Variants in ILRUN observed in about 807,000 individuals in gnomAD.
ILRUN encodes the protein protein ILRUN.
Under a neutral mutation model 33.8 loss-of-function variants are expected in ILRUN, and 3 were observed. That is an observed-to-expected ratio of 0.09 (90% CI 0.04 to 0.23). ILRUN has a LOEUF of 0.23. ILRUN is among the 10% of genes least tolerant of loss of function. The pLI is 1.00. For synonymous variants in ILRUN, 124 were observed against 138.9 expected (o/e 0.89, Z 0.75); for missense variants, 210 against 375.1 (o/e 0.56, Z 3.64).
chr6:34,612,301 C>T (rs1365235601), intron 3 of ILRUN, among the ~76,000 whole-genome samples: 1 of 152,086 alleles, frequency 6.6e-6, no homozygotes, highest in Non-Finnish European at 1.5e-5. Context: ...CATGGTGGCA[C>T]ACGCTTGTAG....
chr6:34,679,803 G>T (rs1434702900), intron 1 of ILRUN, among the ~76,000 whole-genome samples: 8 of 152,190 alleles, frequency 5.3e-5, no homozygotes, highest in African/African-American at 1.9e-4. Flanking sequence ...ATAAGGGGAA[G>T]GAGATTTGGA....
intron 4 of ILRUN, among the ~76,000 whole-genome samples, chr6:34,604,050 C>CT (rs1204340804): frequency 6.6e-6 from 1 of 152,202 alleles, no homozygotes; most frequent in Non-Finnish European, 1.5e-5. Flanking sequence ...TCTTTGGCAT[C>CT]TAAGTTTCAC....
chr6:34,683,509 T>TAC (rs1562033336), intron 1 of ILRUN, among the ~76,000 whole-genome samples: 44 of 81,420 alleles, frequency 5.4e-4, no homozygotes, highest in East Asian at 5.4e-3. Context: ...CATATATATA[T>TAC]ATATACATAT....
intron 1 of ILRUN, chr6:34,696,241 G>A (rs1055362241): frequency 1.4e-4 from 75 of 527,380 alleles, no homozygotes; most frequent in Non-Finnish European, 2.7e-5. Context: ...TCCTGCCTCC[G>A]TGGTCCCTAA....
chr6:34,674,535 T>TA (rs572601648), intron 1 of ILRUN, among the ~76,000 whole-genome samples: 92 of 151,936 alleles, frequency 6.1e-4, no homozygotes, highest in African/African-American at 2.1e-3. Flanking sequence ...GATTAAAGGT[T>TA]AAAAAAAATT....
chr6:34,658,499 T>TTTTC (rs1341192968), intron 1 of ILRUN, among the ~76,000 whole-genome samples: 7 of 150,982 alleles, frequency 4.6e-5, no homozygotes, highest in Non-Finnish European at 1.0e-4. Flanking sequence ...TCTTTTTTTT[T>TTTTC]TTTTTTTTTA....
chr6:34,681,351 C>A (rs1763354190), intron 1 of ILRUN, among the ~76,000 whole-genome samples: 1 of 152,144 alleles, frequency 6.6e-6, no homozygotes, highest in South Asian at 2.1e-4. Context: ...AATAAACTGC[C>A]CCCCCTCCCA....
intron 1 of ILRUN, among the ~76,000 whole-genome samples, chr6:34,656,235 CAAAAAA>C (rs562655955): frequency 3.2e-5 from 2 of 61,814 alleles, no homozygotes; most frequent in Admixed American, 1.7e-4. Flanking sequence ...GACTCCGTCT[CAAAAAA>C]AAAAAAAAAA....
At position 34,588,403 on chromosome 6, in the gene ILRUN, C is replaced by G; in HGVS notation, c.*2162G>C. ...TGGGCAGAAGAGGAAGTCAGGAAAG[C>G]AGGGGTTGTGAAGCCTCCCACAATC... is the stretch of plus-strand genomic sequence containing the variant. On this transcript the variant is annotated 3_prime_UTR_variant, in exon 5 of 5. Transcript: ENST00000374023. 1 of 396,344 alleles carries G rather than the reference C, an allele frequency of 2.5e-6. No individual in the cohort carries two copies. The highest frequency in any genetic ancestry group is 4.4e-6 in the Non-Finnish European group (1 of 225,148). The allele number at this position is 396,344 out of a possible 1,614,324, so 24.6% of individuals were successfully genotyped here.
At chr6:34,653,016 C>T (rs1161069166) in intron 2 of ILRUN, among the ~76,000 whole-genome samples, 1 of 151,124 alleles carries the variant, frequency 6.6e-6, no homozygotes, top group African/African-American at 2.4e-5. Context: ...GGTGCGGTGG[C>T]TCACATCTGT....
Position 34,654,749 on chromosome 6 carries a change from A to T in ILRUN, c.189T>A (p.Tyr63Ter), listed in dbSNP as rs768253995. ...CACTGATGTTTGGGCTCTCAAAGTC[A>T]TAATAGGCGCCAATTGCTGCTTGTA... ...WNLQAAIGAY[Y>*]DFESPNISVP... The change falls in exon 2 of 5, where the codon TAT becomes TAA. Residue 63 changes from tyrosine to a stop codon, truncating the protein, a stop_gained. Transcript: ENST00000374023. LOFTEE classifies it high-confidence loss of function. 6.2e-7 allele frequency: 1 copy of T among 1,613,872 alleles called. No individual in the cohort carries two copies. Among genetic ancestry groups the T allele is most frequent in the Non-Finnish European group, 8.5e-7 (1 of 1,179,920 alleles).
chr6:34,658,276 G>A (rs1228559049), intron 1 of ILRUN, among the ~76,000 whole-genome samples: 1 of 151,492 alleles, frequency 6.6e-6, no homozygotes, highest in African/African-American at 2.4e-5. Flanking sequence ...CCCAGGAGGC[G>A]GAGGTTGCAA....
At chr6:34,637,171 A>T (rs1053421463) in intron 3 of ILRUN, among the ~76,000 whole-genome samples, 2 of 152,202 alleles carry the variant, frequency 1.3e-5, no homozygotes, top group African/African-American at 4.8e-5. Context: ...TTTTACTCTG[A>T]CAGGGCTATA....
At chr6:34,695,167 T>C (rs545920373) in intron 1 of ILRUN, among the ~76,000 whole-genome samples, 1 of 152,204 alleles carries the variant, frequency 6.6e-6, no homozygotes, top group South Asian at 2.1e-4. Context: ...GGATAAAAAG[T>C]AGGCTTACAG....
At chr6:34,620,009 G>C (rs1441797582) in intron 3 of ILRUN, among the ~76,000 whole-genome samples, 1 of 146,766 alleles carries the variant, frequency 6.8e-6, no homozygotes, top group African/African-American at 2.5e-5. Context: ...AAAAAGCTAA[G>C]ATGCAGATCA....
At chr6:34,649,637 G>A (rs745568910) in intron 2 of ILRUN, among the ~76,000 whole-genome samples, 8 of 152,178 alleles carry the variant, frequency 5.3e-5, no homozygotes, top group Non-Finnish European at 1.0e-4. Context: ...AGGGGACTTA[G>A]TAAGTATATA....
intron 3 of ILRUN, among the ~76,000 whole-genome samples, chr6:34,637,287 C>T (rs973025659): frequency 6.6e-5 from 10 of 152,154 alleles, no homozygotes; most frequent in Admixed American, 4.6e-4. Context: ...ACAAATTATG[C>T]TGAAATATGT....
rs750056993 is a variant in ILRUN, at chr6:34,606,716, C to T, written c.700G>A (p.Glu234Lys). ...GTGTTTTTGCTGATCGAGTCGAACT[C>T]GGAGCCCCCAGGGTCTTTTAAGTTG... ...ENNLKDPGGS[E>K]FDSISKNTWA... The change falls in exon 4 of 5, where the codon GAG becomes AAG. Residue 234 changes from glutamate to lysine, a missense_variant. Glu to Lys is a moderately conservative substitution (Grantham distance 56). Around this residue, in one of 4 missense-constraint regions of ILRUN, gnomAD observed 81 missense variants for 97.0 expected, o/e 0.84. Coordinates refer to ENST00000374023, the MANE Select transcript of ILRUN (RefSeq NM_024294.4). The T allele has an allele frequency of 1.4e-5, 22 of 1,614,032 alleles. No homozygotes were observed. The East Asian group carries it at 2.9e-4, about 21-fold the overall frequency.
At chr6:34,678,334 C>A (rs1375552313) in intron 1 of ILRUN, among the ~76,000 whole-genome samples, 2 of 152,174 alleles carry the variant, frequency 1.3e-5, no homozygotes, top group African/African-American at 2.4e-5. Context: ...AGCCACCACA[C>A]CCGGCTCTAA....
Sources: allele counts gnomAD v4.1 joint callset (sites outside exome capture counted in the v4.1 genomes callset), GRCh38; gene constraint gnomAD v4.1.1; regional missense constraint gnomAD v4.1.1; transcripts MANE v1.5; gene names NCBI Gene and HGNC (gene_info 2026-07-23, HGNC 2026-07-21).